The following LANCL3 variants were observed in gnomAD, a reference collection of about 807,000 sequenced individuals.
LANCL3 encodes the protein lanC-like protein 3.
Under a neutral mutation model 26.5 loss-of-function variants are expected in LANCL3, and 19 were observed. That is an observed-to-expected ratio of 0.72 (90% CI 0.50 to 1.05). The LOEUF (loss-of-function observed/expected upper bound fraction) is 1.05. LANCL3 is among the 50% of genes least tolerant of loss of function. LANCL3 has a pLI of 0.00. For synonymous variants in LANCL3, 160 were observed against 166.6 expected, an observed-to-expected ratio of 0.96 and a Z score of 0.30; for missense variants, 318 against 362.7, an observed-to-expected ratio of 0.88 and a Z score of 1.00.
chrX:37,574,567 A>G (rs1923694810), intron 1 of LANCL3, among the ~76,000 whole-genome samples: 1 of 112,143 alleles, frequency 8.9e-6, no homozygotes, highest in Non-Finnish European at 1.9e-5. Context: ...AAGCCGTTCC[A>G]TCTACCTCTA....
At chrX:37,604,360 G>A (rs782752276) in intron 1 of LANCL3, among the ~76,000 whole-genome samples, 1 of 112,261 alleles carries the variant, frequency 8.9e-6, no homozygotes, top group East Asian at 2.8e-4. Flanking sequence ...TTTAGATTTG[G>A]AGCTCTTGTT....
At chrX:37,601,471 AG>A (rs80227673) in intron 1 of LANCL3, among the ~76,000 whole-genome samples, 8,979 of 111,832 alleles carry the variant, frequency 0.08, 361 homozygotes, top group South Asian at 0.15. Context: ...CCCAGATCTG[AG>A]GGCAAATGCT....
rs1926908061 is a variant in LANCL3 at position 37,680,384 on chromosome X, C to T, written c.*4571C>T. The stretch of plus-strand genomic sequence containing the variant: ...TCTTTAATTGAAAGTACCAATGAAT[C>T]GAGGCCTGGTGGATGATGCCTTTAG... On this transcript the variant is annotated 3_prime_UTR_variant, in exon 5 of 5. Transcript: ENST00000378619. 8.9e-6 allele frequency: 1 copy of T among 111,877 alleles called. No individual in the cohort carries two copies. The highest frequency in any genetic ancestry group is 3.7e-4 in the South Asian group (1 of 2,673). 9.2% of individuals were successfully genotyped at this position (111,877 alleles called of 1,213,427 possible).
intron 1 of LANCL3, among the ~76,000 whole-genome samples, chrX:37,638,689 C>A (rs1241415215): frequency 9.0e-6 from 1 of 111,434 alleles, no homozygotes; most frequent in Non-Finnish European, 1.9e-5. Flanking sequence ...GGGTATAACT[C>A]AGTGAATTAA....
intron 1 of LANCL3, among the ~76,000 whole-genome samples, chrX:37,645,600 G>A (rs1925966738): frequency 8.9e-6 from 1 of 112,492 alleles, no homozygotes; most frequent in Non-Finnish European, 1.9e-5. Flanking sequence ...TCATTTAAAT[G>A]ATAATATGCA....
intron 1 of LANCL3, among the ~76,000 whole-genome samples, chrX:37,648,644 C>A (rs1172324876): frequency 1.8e-5 from 2 of 111,680 alleles, no homozygotes; most frequent in African/African-American, 6.5e-5. Flanking sequence ...TTCTGCACAG[C>A]AAAAGAAACT....
intron 1 of LANCL3, among the ~76,000 whole-genome samples, chrX:37,634,077 G>A (rs1249708843): frequency 4.4e-5 from 5 of 112,693 alleles, no homozygotes; most frequent in African/African-American, 1.6e-4. Flanking sequence ...GAGCTGTGGT[G>A]GGCTCCACCC....
At chrX:37,662,811 A>G (rs1315935650) in intron 3 of LANCL3, among the ~76,000 whole-genome samples, 1 of 103,172 alleles carries the variant, frequency 9.7e-6, no homozygotes, top group Non-Finnish European at 2.0e-5. Flanking sequence ...GAAACCCACC[A>G]TTCCTTTTTT....
rs1602140777 is a variant in LANCL3, at chrX:37,679,864, T to C, written c.*4051T>C. The C allele has an allele frequency of 9.0e-6, 1 of 111,556 alleles. No homozygotes were observed. The highest frequency in any genetic ancestry group is 3.8e-4 in the South Asian group (1 of 2,624). 9.2% of individuals were successfully genotyped at this position (111,556 alleles called of 1,213,427 possible). On this transcript the variant is annotated 3_prime_UTR_variant, in exon 5 of 5. Transcript: ENST00000378619. ...AGTTGTGGATGCGTGTTTAACACTA[T>C]AAAGAACCAGTCCATTCTTACCCAT... is the stretch of plus-strand genomic sequence containing the variant.
intron 1 of LANCL3, among the ~76,000 whole-genome samples, chrX:37,579,978 G>C (rs781970045): frequency 8.9e-6 from 1 of 111,854 alleles, no homozygotes; most frequent in East Asian, 2.8e-4. Flanking sequence ...TTAGGATGGA[G>C]GTTTCCAGGG....
chrX:37,595,328 A>G (rs1383956267), intron 1 of LANCL3, among the ~76,000 whole-genome samples: 6 of 112,496 alleles, frequency 5.3e-5, no homozygotes, highest in African/African-American at 1.9e-4. Context: ...AGGCTCAAGT[A>G]TAAAAATCTA....
At chrX:37,572,501 C>G (rs1923630587) in intron 1 of LANCL3, 58 bp downstream of exon 1, 11 of 1,023,022 alleles carry the variant, frequency 1.1e-5, no homozygotes, top group Admixed American at 2.6e-5. Flanking sequence ...CTCCTTTCCC[C>G]GGACTCCGTG....
At chrX:37,622,907 C>T (rs1472171251) in intron 1 of LANCL3, among the ~76,000 whole-genome samples, 4 of 112,501 alleles carry the variant, frequency 3.6e-5, no homozygotes, top group Non-Finnish European at 7.5e-5. Context: ...TCACATCCAA[C>T]TGCACTATTT....
rs1439171049 is a variant in LANCL3, at chrX:37,682,142, G to A, written c.*6329G>A. Reference sequence around the variant, plus strand: ...TTTTGAGACGGAGTCTCGCTCTGTCGCCCAGGCTGGAGTGCAGTGGCGGGA... The same window carrying A: ...TTTTGAGACGGAGTCTCGCTCTGTCACCCAGGCTGGAGTGCAGTGGCGGGA... On this transcript the variant is annotated 3_prime_UTR_variant, in exon 5 of 5. Coordinates refer to ENST00000378619, the MANE Select transcript of LANCL3 (RefSeq NM_001170331.2). The A allele has an allele frequency of 1.0e-5, 1 of 95,825 alleles. No individual in the cohort carries two copies. The highest frequency in any genetic ancestry group is 3.1e-4 in the East Asian group (1 of 3,212). 7.9% of individuals were successfully genotyped at this position (95,825 alleles called of 1,213,427 possible). A position where few individuals can be genotyped will look rare whatever the true frequency, so the allele number is the denominator to read the frequency against.
At position 37,661,589 on chromosome X, in the gene LANCL3, A is replaced by G. The variant is rs190416572; in HGVS notation, c.895+1930A>G. Among the ~76,000 whole-genome samples, 233 of 112,053 alleles carry G rather than the reference A, an allele frequency of 2.1e-3. 2 individuals are homozygous for G. Among genetic ancestry groups the G allele is most frequent in the African/African-American group, 7.1e-3 (220 of 30,942 alleles). On this transcript the variant is annotated intron_variant, in intron 3 of 4. Coordinates refer to ENST00000378619, the MANE Select transcript of LANCL3 (RefSeq NM_001170331.2). ...TTTGAAGAGATGCTCTAAAAACAGC[A>G]TCAAGATTGATTATAAGTCTAATCA... is the stretch of plus-strand genomic sequence containing the variant.
intron 1 of LANCL3, among the ~76,000 whole-genome samples, chrX:37,640,495 A>T (rs1003629271): frequency 2.9e-4 from 32 of 111,927 alleles, no homozygotes; most frequent in African/African-American, 9.4e-4. Flanking sequence ...GGGAACACAG[A>T]GCCAAACCGT....
chrX:37,653,472 C>A (rs782266787), intron 1 of LANCL3, among the ~76,000 whole-genome samples: 5 of 112,272 alleles, frequency 4.5e-5, no homozygotes, highest in Non-Finnish European at 9.4e-5. Flanking sequence ...GATTCAAAAT[C>A]AATATTGAGC....
At chrX:37,577,558 G>A (rs1361338842) in intron 1 of LANCL3, among the ~76,000 whole-genome samples, 3 of 112,335 alleles carry the variant, frequency 2.7e-5, no homozygotes, top group Non-Finnish European at 3.8e-5. Context: ...ATGCTAATTT[G>A]TTTAAGTAAG....
rs1926980008 is a variant in LANCL3 at position 37,683,161 on chromosome X, A to C, written c.*7348A>C. On this transcript the variant is annotated 3_prime_UTR_variant, in exon 5 of 5. Coordinates refer to ENST00000378619, the MANE Select transcript of LANCL3 (RefSeq NM_001170331.2). Reference sequence around the variant, plus strand: ...TTGGCATAAATCACAATACTTACAGAAATATAATTGTATCATTGAAAAAAA... The same window carrying C: ...TTGGCATAAATCACAATACTTACAGCAATATAATTGTATCATTGAAAAAAA... 1 of 111,725 alleles carries C rather than the reference A, an allele frequency of 9.0e-6. No homozygotes were observed. Among genetic ancestry groups the C allele is most frequent in the Non-Finnish European group, 1.9e-5 (1 of 53,111 alleles). 9.2% of individuals were successfully genotyped at this position (111,725 alleles called of 1,213,427 possible).
Sources: allele counts gnomAD v4.1 joint callset (sites outside exome capture counted in the v4.1 genomes callset), GRCh38; gene constraint gnomAD v4.1.1; transcripts MANE v1.5; gene names NCBI Gene and HGNC (gene_info 2026-07-23, HGNC 2026-07-21).